Variants in OR10H5 observed in about 807,000 individuals in gnomAD.
OR10H5 encodes the protein olfactory receptor 10H5.
In OR10H5, 7 loss-of-function variants were observed where a neutral mutation model predicts 12.2. The ratio of observed to expected loss-of-function variants is 0.57; its 90% confidence interval spans 0.33 to 1.07. The LOEUF (loss-of-function observed/expected upper bound fraction) is 1.07. Ranked by LOEUF, OR10H5 falls within the 50% of genes least tolerant of loss-of-function variation. The pLI, the probability that OR10H5 is intolerant of heterozygous loss-of-function variation, is 0.04. For synonymous variants in OR10H5, 159 were observed against 175.1 expected (o/e 0.91, Z 0.73); for missense variants, 346 against 411.6 (o/e 0.84, Z 1.38).
intron 1 of OR10H5, among the ~76,000 whole-genome samples, chr19:15,790,683 G>A (rs1339364412): frequency 6.6e-6 from 1 of 152,134 alleles, no homozygotes; most frequent in Non-Finnish European, 1.5e-5. Context: ...ATGAAGAAGA[G>A]GAGGGAGTTG....
rs188363483 is a variant in OR10H5, at chr19:15,793,952, G to A, written c.-11-86G>A. 1.7e-4 allele frequency: 186 copies of A among 1,112,226 alleles called. No individual in the cohort carries two copies. In the East Asian group the frequency reaches 3.3e-3, roughly 19 times the overall value. 68.9% of individuals were successfully genotyped at this position (1,112,226 alleles called of 1,614,324 possible). Reference sequence around the variant, plus strand: ...CATGGCTTGGACAGATGAAGAAGGCGCTCTCAGATGTCCTCCCAGGTGGGA... The same window carrying A: ...CATGGCTTGGACAGATGAAGAAGGCACTCTCAGATGTCCTCCCAGGTGGGA... On this transcript the variant is annotated intron_variant, in intron 1 of 1. Transcript: ENST00000642092.
chr19:15,794,127 C>T lies in OR10H5; in HGVS notation c.79C>T (p.Leu27Phe), dbSNP rs192351857. ...FSAFPHLQLM[L>F]FLLFLLMYLF... The stretch of plus-strand genomic sequence containing the variant: ...TGCCTTCCCCCACCTCCAGCTGATG[C>T]TCTTCCTGCTGTTCCTGCTGATGTA... The change falls in exon 2 of 2, where the codon CTC (leucine) becomes TTC (phenylalanine). Residue 27 changes from leucine to phenylalanine, a missense_variant. Transcript: ENST00000642092. 21 of 1,614,164 alleles carry T rather than the reference C, an allele frequency of 1.3e-5. No individual in the cohort carries two copies. In the East Asian group the frequency reaches 3.6e-4, roughly 27 times the overall value.
rs2116960 is a variant in OR10H5, at chr19:15,799,213, A to G, written c.*4217A>G. The G allele has an allele frequency of 0.14, 21,702 of 152,062 alleles. 1,948 individuals are homozygous for G. The highest frequency in any genetic ancestry group is 0.21 in the South Asian group (1,004 of 4,810). The allele number at this position is 152,062 out of a possible 1,614,324, so 9.4% of individuals were successfully genotyped here. On this transcript the variant is annotated 3_prime_UTR_variant, in exon 2 of 2. Coordinates refer to ENST00000642092, the MANE Select transcript of OR10H5 (RefSeq NM_001004466.2). ...ATTCATTCTTTGACCCTATAGCCCA[A>G]TGGGCTCCCTGCTGTCCCGGCAGTA...
At position 15,794,082 on chromosome 19, in the gene OR10H5, T is replaced by C. The variant is rs1301515471; in HGVS notation, c.34T>C (p.Phe12Leu). The change falls in exon 2 of 2, where the codon TTC becomes CTC. Residue 12 changes from phenylalanine to leucine, a missense_variant. Transcript: ENST00000642092. Reference protein sequence around the residue: ...QGLNHTSVSEFILVGFSAFPH... With the variant: ...QGLNHTSVSELILVGFSAFPH... ...GCTAAACCACACCTCCGTGTCTGAA[T>C]TCATCCTCGTTGGCTTCTCTGCCTT... is the stretch of plus-strand genomic sequence containing the variant. The C allele has an allele frequency of 6.2e-7, 1 of 1,613,980 alleles. No individual in the cohort carries two copies. Among genetic ancestry groups the C allele is most frequent in the Admixed American group, 1.7e-5 (1 of 60,008 alleles).
intron 1 of OR10H5, among the ~76,000 whole-genome samples, chr19:15,788,352 G>A (rs1176694635): frequency 6.6e-6 from 1 of 152,070 alleles, no homozygotes; most frequent in Non-Finnish European, 1.5e-5. Context: ...GGTGCTCTAG[G>A]CATTGATTGA....
At chr19:15,791,824 C>T (rs547398947) in intron 1 of OR10H5, among the ~76,000 whole-genome samples, 12 of 151,984 alleles carry the variant, frequency 7.9e-5, no homozygotes, top group African/African-American at 2.9e-4. Flanking sequence ...TCCCGAGTAG[C>T]TGGGACTACA....
rs534622530 is a variant in OR10H5, at chr19:15,794,149, T to G, written c.101T>G (p.Met34Arg). ...QLMLFLLFLL[M>R]YLFTLLGNLL... Reference sequence around the variant, plus strand: ...ATGCTCTTCCTGCTGTTCCTGCTGATGTACCTGTTCACGCTGCTGGGCAAC... The same window carrying G: ...ATGCTCTTCCTGCTGTTCCTGCTGAGGTACCTGTTCACGCTGCTGGGCAAC... Residue 34 changes from methionine (M) to arginine (R), a missense_variant, in exon 2 of 2, where the codon ATG (methionine) becomes AGG (arginine). Coordinates refer to ENST00000642092, the MANE Select transcript of OR10H5 (RefSeq NM_001004466.2). 1.9e-6 allele frequency: 3 copies of G among 1,614,094 alleles called. No homozygotes were observed. Among genetic ancestry groups the G allele is most frequent in the Non-Finnish European group, 2.5e-6 (3 of 1,180,042 alleles).
At position 15,794,756 on chromosome 19, in the gene OR10H5, C is replaced by T. The variant is rs1437201943; in HGVS notation, c.708C>T (p.Asn236=). The change falls in exon 2 of 2, where the codon AAC becomes AAT. Residue 236 remains asparagine (N), a synonymous_variant. Transcript: ENST00000642092. ...ILKIPSAEGR[N]KAFSTCASHL... is the part of the protein sequence containing the mutation. ...AGATCCCTTCTGCTGAAGGTCGGAACAAGGCCTTCTCCACCTGTGCCTCTC... is the reference window on the plus strand; with the variant it reads ...AGATCCCTTCTGCTGAAGGTCGGAATAAGGCCTTCTCCACCTGTGCCTCTC... The T allele has an allele frequency of 1.9e-6, 3 of 1,613,338 alleles. No individual in the cohort carries two copies. Among genetic ancestry groups the T allele is most frequent in the Non-Finnish European group, 2.5e-6 (3 of 1,179,520 alleles).
rs2088832915 is a variant in OR10H5, at chr19:15,795,064, T to TCCTTTCCTCCCTCCCTCCTTTCCTCC, written c.*70_*95dup. On this transcript the variant is annotated 3_prime_UTR_variant, in exon 2 of 2. Coordinates refer to ENST00000642092, the MANE Select transcript of OR10H5 (RefSeq NM_001004466.2). The stretch of plus-strand genomic sequence containing the variant: ...TTTAGTCTTCCTCCTTTATTTCTTT[T>TCCTTTCCTCCCTCCCTCCTTTCCTCC]CCTTTCCTCCCTCCCTCCTTTCCTC... 15 of 1,362,180 alleles carry TCCTTTCCTCCCTCCCTCCTTTCCTCC rather than the reference T, an allele frequency of 1.1e-5. No individual in the cohort carries two copies. The highest frequency in any genetic ancestry group is 1.4e-5 in the Non-Finnish European group (14 of 993,434). The allele number at this position is 1,362,180 out of a possible 1,614,324, so 84.4% of individuals were successfully genotyped here.
chr19:15,791,294 C>T (rs971118202), intron 1 of OR10H5, among the ~76,000 whole-genome samples: 9 of 151,910 alleles, frequency 5.9e-5, no homozygotes, highest in African/African-American at 1.7e-4. Context: ...TGCAGTGAGC[C>T]GAGATCATGC....
chr19:15,787,988 G>A (rs369656627), intron 1 of OR10H5, among the ~76,000 whole-genome samples: 12 of 152,240 alleles, frequency 7.9e-5, no homozygotes, highest in South Asian at 4.1e-4. Flanking sequence ...CACAGCAGTC[G>A]TGGCCACCAG....
intron 1 of OR10H5, among the ~76,000 whole-genome samples, chr19:15,788,562 G>A (rs905088787): frequency 3.3e-5 from 5 of 152,166 alleles, no homozygotes; most frequent in Admixed American, 6.5e-5. Context: ...GCAGTGGCAC[G>A]ATCACAGCTC....
At chr19:15,788,018 A>T (rs1305116699) in intron 1 of OR10H5, among the ~76,000 whole-genome samples, 1 of 151,838 alleles carries the variant, frequency 6.6e-6, no homozygotes, top group African/African-American at 2.4e-5. Flanking sequence ...TGGGGTGGGG[A>T]GTGGTCTCTA....
chr19:15,795,526 A>G lies in OR10H5; in HGVS notation c.*530A>G, dbSNP rs1237174492. 6.4e-6 allele frequency: 1 copy of G among 156,628 alleles called. No individual in the cohort carries two copies. The highest frequency in any genetic ancestry group is 1.4e-5 in the Non-Finnish European group (1 of 71,054). The allele number at this position is 156,628 out of a possible 1,614,324, so 9.7% of individuals were successfully genotyped here. ...TTTGTAGTAGAGACGGGGTTTCACC[A>G]TGTTGGCCAGGCTGGTCTCGAACTC... On this transcript the variant is annotated 3_prime_UTR_variant, in exon 2 of 2. Coordinates refer to ENST00000642092, the MANE Select transcript of OR10H5 (RefSeq NM_001004466.2).
chr19:15,791,333 C>A (rs942908498), intron 1 of OR10H5, among the ~76,000 whole-genome samples: 3 of 151,682 alleles, frequency 2.0e-5, no homozygotes, highest in African/African-American at 4.8e-5. Flanking sequence ...GCAATGAGAG[C>A]AAAACTCCAT....
At chr19:15,791,789 T>C (rs1159324815) in intron 1 of OR10H5, among the ~76,000 whole-genome samples, 1 of 151,368 alleles carries the variant, frequency 6.6e-6, no homozygotes, top group Non-Finnish European at 1.5e-5. Context: ...GCCTCCTGGG[T>C]TCATGCCATT....
In OR10H5 at chr19:15,800,140, A is replaced by G. The variant is rs2088860896; in HGVS notation, c.*5144A>G. The G allele has an allele frequency of 6.6e-6, 1 of 152,098 alleles. No homozygotes were observed. Among genetic ancestry groups the G allele is most frequent in the African/African-American group, 2.4e-5 (1 of 41,380 alleles). 9.4% of individuals were successfully genotyped at this position (152,098 alleles called of 1,614,324 possible). On this transcript the variant is annotated 3_prime_UTR_variant, in exon 2 of 2. Transcript: ENST00000642092. ...ACACTCGGTCACCACCCCTATTACA[A>G]GCCCTCATAGCAACTCACTTAGGTC...
In OR10H5 at chr19:15,796,531, G is replaced by A. The variant is rs1181008991; in HGVS notation, c.*1535G>A. 2.0e-5 allele frequency: 3 copies of A among 152,154 alleles called. No individual in the cohort carries two copies. The highest frequency in any genetic ancestry group is 6.5e-5 in the Admixed American group (1 of 15,272). 9.4% of individuals were successfully genotyped at this position (152,154 alleles called of 1,614,324 possible). On this transcript the variant is annotated 3_prime_UTR_variant, in exon 2 of 2. Coordinates refer to ENST00000642092, the MANE Select transcript of OR10H5 (RefSeq NM_001004466.2). ...AAATTTGGGGAGGCCGTGACAGGAG[G>A]ATCACTGGAGTCCAGGAGTTCAAGA... is the stretch of plus-strand genomic sequence containing the variant.
At chr19:15,787,855 G>A (rs754015108) in intron 1 of OR10H5, 139 bp downstream of exon 1, 5 of 152,746 alleles carry the variant, frequency 3.3e-5, no homozygotes, top group African/African-American at 4.8e-5. Flanking sequence ...AAACGAGAGG[G>A]AGCATGGGAT....
Sources: allele counts gnomAD v4.1 joint callset (sites outside exome capture counted in the v4.1 genomes callset), GRCh38; gene constraint gnomAD v4.1.1; transcripts MANE v1.5; gene names NCBI Gene and HGNC (gene_info 2026-07-23, HGNC 2026-07-21).